ZMIZ2: variants seen among roughly 807,000 people sequenced by gnomAD.
ZMIZ2 encodes the protein zinc finger MIZ-type containing 2, also known as zinc finger MIZ domain-containing protein 2.
A neutral mutation model predicts 93.9 loss-of-function variants in ZMIZ2; 26 were observed. The observed-to-expected ratio is 0.28, with a 90% CI of 0.20 to 0.38. The LOEUF is 0.38. ZMIZ2 is among the 10% of genes least tolerant of loss of function. The pLI, the probability that ZMIZ2 is intolerant of heterozygous loss-of-function variation, is 1.00. For missense variants in ZMIZ2, 1,023 were observed against 1,235.0 expected (o/e 0.83, Z 2.57); for synonymous variants, 485 against 516.4 (o/e 0.94, Z 0.82).
At position 44,757,149 on chromosome 7, in the gene ZMIZ2, G is replaced by A; in HGVS notation, c.368G>A (p.Gly123Glu). The change falls in exon 4 of 19, where the codon GGG (glycine) becomes GAG (glutamate). Residue 123 changes from glycine (G) to glutamate (E), a missense_variant and splice_region_variant. By Grantham distance (98) the Gly-to-Glu change is moderately conservative. Around this residue, in one of 3 missense-constraint regions of ZMIZ2, gnomAD observed 656 missense variants for 777.1 expected, o/e 0.84. Transcript: ENST00000309315. ...CCTGGGGCCCCCGGCTTCACCACCG[G>A]GTAAGCAAGTTCCCTCACCTGGCAG... ...GYPGAPGFTT[G>E]YAGGPGGLGL... 1 of 1,596,282 alleles carries A rather than the reference G, an allele frequency of 6.3e-7. No individual in the cohort carries two copies. The highest frequency in any genetic ancestry group is 1.9e-4 in the Middle Eastern group (1 of 5,286).
In ZMIZ2 at chr7:44,763,447, G is replaced by C; in HGVS notation, c.1860+34G>C. 1 of 1,610,802 alleles carries C rather than the reference G, an allele frequency of 6.2e-7. No individual in the cohort carries two copies. ...TTACTGCAGAGTCTTGCCGGAATTT[G>C]CTGCTGCTAAAATATCTTGAGTCGA... On this transcript the variant is annotated intron_variant, in intron 13 of 18. Coordinates refer to ENST00000309315, the MANE Select transcript of ZMIZ2 (RefSeq NM_031449.4). This position sits in a 1 kb window ranked among gnomAD's most constrained non-coding sequence, Gnocchi z 5.6.
chr7:44,753,339 G>C (rs1790323696), intron 1 of ZMIZ2, among the ~76,000 whole-genome samples: 1 of 151,794 alleles, frequency 6.6e-6, no homozygotes, highest in South Asian at 2.1e-4. Context: ...CCACCTTCTG[G>C]GGTCAAGTGA....
chr7:44,761,627 G>A lies in ZMIZ2; in HGVS notation c.1385+34G>A. On this transcript the variant is annotated intron_variant, in intron 10 of 18. Transcript: ENST00000309315. The surrounding 1 kb of genome is among the most constrained non-coding windows in gnomAD (Gnocchi z 5.8). ...CGCCTGGCCCCCACCTGACCCCCAC[G>A]AGGCTCTGTTCCTCCTCCCACACTC... The A allele has an allele frequency of 6.2e-7, 1 of 1,613,340 alleles. No individual in the cohort carries two copies. Among genetic ancestry groups the A allele is most frequent in the Non-Finnish European group, 8.5e-7 (1 of 1,179,652 alleles).
At chr7:44,758,138 C>A in intron 6 of ZMIZ2, 30 bp downstream of exon 6, 1 of 1,504,642 alleles carries the variant, frequency 6.6e-7, no homozygotes, top group Non-Finnish European at 8.9e-7. Flanking sequence ...AGTTTGGGGC[C>A]TTGGGTACCA....
chr7:44,756,939 C>T lies in ZMIZ2; in HGVS notation c.166-8C>T. On this transcript the variant is annotated splice_polypyrimidine_tract_variant and splice_region_variant and intron_variant, in intron 3 of 18. Coordinates refer to ENST00000309315, the MANE Select transcript of ZMIZ2 (RefSeq NM_031449.4). The stretch of plus-strand genomic sequence containing the variant: ...TGGTTCCCTTTGGTGATTCCTGCTT[C>T]CTCATAGGTTTTGGGGAACCCCATG... The T allele has an allele frequency of 6.2e-7, 1 of 1,609,152 alleles. No individual in the cohort carries two copies. Among genetic ancestry groups the T allele is most frequent in the East Asian group, 2.2e-5 (1 of 44,856 alleles).
At chr7:44,759,215 C>CT (rs139333097) in intron 6 of ZMIZ2, 66 bp from the exon 7 acceptor site, 159,570 of 1,394,528 alleles carry the variant, frequency 0.11, 10,128 homozygotes, top group Admixed American at 0.16. Flanking sequence ...TGAGACTCTA[C>CT]TTCCTTCTGG....
At chr7:44,750,300 T>A (rs1233213342) in intron 1 of ZMIZ2, among the ~76,000 whole-genome samples, 1 of 152,228 alleles carries the variant, frequency 6.6e-6, no homozygotes, top group Non-Finnish European at 1.5e-5. Flanking sequence ...TTTGATGAAC[T>A]CTGCATCCTG....
intron 7 of ZMIZ2, 106 bp downstream of exon 7, chr7:44,759,566 G>A (rs1790955778): frequency 9.1e-7 from 1 of 1,098,492 alleles, no homozygotes; most frequent in Non-Finnish European, 1.2e-6. Context: ...TGGCTAAAGG[G>A]GCCAGCAGGA....
At chr7:44,760,114 T>G (rs1374110359) in intron 7 of ZMIZ2, 37 bp from the exon 8 acceptor site, 1 of 1,613,180 alleles carries the variant, frequency 6.2e-7, no homozygotes, top group Non-Finnish European at 8.5e-7. Flanking sequence ...AGGGGTCAGG[T>G]TGGAGCCCCA....
rs1164787975 is a variant in ZMIZ2, at chr7:44,761,095, C to G, written c.1241-354C>G. Reference sequence around the variant, plus strand: ...TCTAAACAGAGCTATAGGGCAATTGCAGGAGGCTCTCACACACCTTGGCCT... The same window carrying G: ...TCTAAACAGAGCTATAGGGCAATTGGAGGAGGCTCTCACACACCTTGGCCT... On this transcript the variant is annotated intron_variant, in intron 9 of 18. Coordinates refer to ENST00000309315, the MANE Select transcript of ZMIZ2 (RefSeq NM_031449.4). This position sits in a 1 kb window ranked among gnomAD's most constrained non-coding sequence, Gnocchi z 5.8. 6.6e-6 allele frequency among the ~76,000 whole-genome samples: 1 copy of G among 152,196 alleles called. No homozygotes were observed. The highest frequency in any genetic ancestry group is 1.5e-5 in the Non-Finnish European group (1 of 68,024).
In ZMIZ2 at chr7:44,765,764, A is replaced by G; in HGVS notation, c.2242+185A>G. The G allele has an allele frequency of 9.4e-7, 1 of 1,059,824 alleles. No homozygotes were observed. The highest frequency in any genetic ancestry group is 2.9e-5 in the Admixed American group (1 of 35,034). 65.7% of individuals were successfully genotyped at this position (1,059,824 alleles called of 1,614,324 possible). On this transcript the variant is annotated intron_variant, in intron 16 of 18. Coordinates refer to ENST00000309315, the MANE Select transcript of ZMIZ2 (RefSeq NM_031449.4). This position sits in a 1 kb window ranked among gnomAD's most constrained non-coding sequence, Gnocchi z 4.1. ...TCCCATCTCAGGGACGTGGCGGTGA[A>G]GGCACAGTCTCAGCTATGGTCCCAG...
intron 9 of ZMIZ2, 87 bp downstream of exon 9, chr7:44,760,680 G>T (rs533201107): frequency 7.3e-4 from 1,100 of 1,507,820 alleles, no homozygotes; most frequent in Non-Finnish European, 9.0e-4. Flanking sequence ...TCCTGTAGGA[G>T]CTTGGGGGAC....
At chr7:44,758,217 C>T (rs984831451) in intron 6 of ZMIZ2, 109 bp downstream of exon 6, 13 of 1,365,878 alleles carry the variant, frequency 9.5e-6, no homozygotes, top group South Asian at 5.4e-5. Flanking sequence ...TGGTGGCTCA[C>T]GCCTGTAGTC....
intron 8 of ZMIZ2, 63 bp downstream of exon 8, chr7:44,760,291 C>A: frequency 6.4e-7 from 1 of 1,569,642 alleles, no homozygotes. Flanking sequence ...GGAGAGAGGG[C>A]GACCGGGCAG....
Position 44,763,545 on chromosome 7 carries a change from C to A in ZMIZ2, c.1860+132C>A. 1 of 1,306,326 alleles carries A rather than the reference C, an allele frequency of 7.7e-7. No individual in the cohort carries two copies. Among genetic ancestry groups the A allele is most frequent in the Non-Finnish European group, 1.0e-6 (1 of 963,852 alleles). The allele number at this position is 1,306,326 out of a possible 1,614,324, so 80.9% of individuals were successfully genotyped here. A position where few individuals can be genotyped will look rare whatever the true frequency, so the allele number is the denominator to read the frequency against. Reference sequence around the variant, plus strand: ...CTGTCAGGCTGACAGGACAGGCCTCCCACGCCAAGGAGGCAGGTGGGCCTG... The same window carrying A: ...CTGTCAGGCTGACAGGACAGGCCTCACACGCCAAGGAGGCAGGTGGGCCTG... On this transcript the variant is annotated intron_variant, in intron 13 of 18. Coordinates refer to ENST00000309315, the MANE Select transcript of ZMIZ2 (RefSeq NM_031449.4). The surrounding 1 kb of genome is among the most constrained non-coding windows in gnomAD (Gnocchi z 5.6).
Position 44,761,972 on chromosome 7 carries a change from C to T in ZMIZ2, c.1596+67C>T, listed in dbSNP as rs1329718082. 3.2e-5 allele frequency: 9 copies of T among 280,792 alleles called. No individual in the cohort carries two copies. Among genetic ancestry groups the T allele is most frequent in the African/African-American group, 1.1e-4 (4 of 37,102 alleles). 17.4% of individuals were successfully genotyped at this position (280,792 alleles called of 1,614,324 possible). A position where few individuals can be genotyped will look rare whatever the true frequency, so the allele number is the denominator to read the frequency against. On this transcript the variant is annotated intron_variant, in intron 11 of 18. Coordinates refer to ENST00000309315, the MANE Select transcript of ZMIZ2 (RefSeq NM_031449.4). This position sits in a 1 kb window ranked among gnomAD's most constrained non-coding sequence, Gnocchi z 5.8. ...CGGGGTGTGGTGGGGCCTGGCCCAG[C>T]GGTGCCGTGGGGTGGGGCGGGGTGT...
rs1469729741 is a variant in ZMIZ2, at chr7:44,766,046, G to A, written c.2243-118G>A. ...AATAGCGACTTCTGCAAAACCCGCT[G>A]TTGTTTGTGGGTGAGCACTGCAAGT... On this transcript the variant is annotated intron_variant, in intron 16 of 18. Transcript: ENST00000309315. This position sits in a 1 kb window ranked among gnomAD's most constrained non-coding sequence, Gnocchi z 4.4. The A allele has an allele frequency of 2.0e-6, 3 of 1,469,188 alleles. No individual in the cohort carries two copies. The East Asian group carries it at 7.2e-5, about 35-fold the overall frequency. The allele number at this position is 1,469,188 out of a possible 1,614,324, so 91.0% of individuals were successfully genotyped here.
rs1791618849 is a variant in ZMIZ2, at chr7:44,765,528, GC to G, written c.2197del (p.Leu733CysfsTer60). The G allele has an allele frequency of 6.6e-7, 1 of 1,518,960 alleles. No homozygotes were observed. Among genetic ancestry groups the G allele is most frequent in the Non-Finnish European group, 8.7e-7 (1 of 1,145,302 alleles). 94.1% of individuals were successfully genotyped at this position (1,518,960 alleles called of 1,614,324 possible). On this transcript the variant is annotated frameshift_variant, in exon 16 of 19. Coordinates refer to ENST00000309315, the MANE Select transcript of ZMIZ2 (RefSeq NM_031449.4). LOFTEE classifies it high-confidence loss of function. The surrounding 1 kb of genome is among the most constrained non-coding windows in gnomAD (Gnocchi z 4.1). ...AALGPGAAPF[A>X]PLQPPSVPAP... ...CCTGGGCCCCGGCGCTGCCCCCTTT[GC>G]CCCCCTGCAGCCCCCCTCAGTCCCT...
At chr7:44,767,464 G>A in intron 18 of ZMIZ2, 52 bp from the exon 19 acceptor site, 13 of 1,419,456 alleles carry the variant, frequency 9.2e-6, no homozygotes, top group Non-Finnish European at 1.3e-5. Flanking sequence ...TGGTCACTCA[G>A]GTGTGGCCAG....
Sources: allele counts gnomAD v4.1 joint callset (sites outside exome capture counted in the v4.1 genomes callset), GRCh38; gene constraint gnomAD v4.1.1; regional missense constraint gnomAD v4.1.1; non-coding constraint Gnocchi (gnomAD v3.1); transcripts MANE v1.5; gene names NCBI Gene and HGNC (gene_info 2026-07-23, HGNC 2026-07-21).